The following HLA-DRB5 variants were observed in gnomAD, a reference collection of about 807,000 sequenced individuals.
HLA-DRB5 encodes DR beta-5.
In HLA-DRB5, 11 loss-of-function variants were observed where a neutral mutation model predicts 22.4. That is an observed-to-expected ratio of 0.49 (90% CI 0.31 to 0.81). The LOEUF (loss-of-function observed/expected upper bound fraction) is 0.81. Among genes scored for constraint, HLA-DRB5 ranks in the 40% least tolerant of loss-of-function variants. The pLI is 0.05. For synonymous variants in HLA-DRB5, 57 were observed against 106.0 expected (o/e 0.54, Z 2.84); for missense variants, 106 against 274.4 (o/e 0.39, Z 4.34).
intron 2 of HLA-DRB5, among the ~76,000 whole-genome samples, chr6:32,521,218 C>T (rs1768821291): frequency 2.0e-5 from 1 of 50,970 alleles, no homozygotes; most frequent in Admixed American, 2.6e-4. Context: ...AAAATAGTAA[C>T]AGTGTATTAA....
At chr6:32,525,280 C>A (rs1769465170) in intron 1 of HLA-DRB5, among the ~76,000 whole-genome samples, 1 of 36,418 alleles carries the variant, frequency 2.7e-5, no homozygotes, top group African/African-American at 1.0e-4. Flanking sequence ...CTATCAAATG[C>A]ATTTTATAAT....
intron 3 of HLA-DRB5, among the ~76,000 whole-genome samples, chr6:32,518,989 C>T (rs115834837): frequency 3.8e-3 from 388 of 100,916 alleles, no homozygotes; most frequent in East Asian, 6.0e-3. Flanking sequence ...TATTGGACTC[C>T]CCTCATGTCA....
chr6:32,529,363 T>C lies in HLA-DRB5; in HGVS notation c.100+762A>G, dbSNP rs1439549725. ...GTCTAGTTAGAGCATGTAGGAGATA[T>C]AGGAGCAAATAGTATAGAAAGGTTA... On this transcript the variant is annotated intron_variant, in intron 1 of 5. Transcript: ENST00000374975. Among the ~76,000 whole-genome samples the C allele has an allele frequency of 5.5e-3, 146 of 26,380 alleles. 6 individuals are homozygous for C. In the East Asian group the frequency reaches 0.08, roughly 14 times the overall value. The allele number at this position is 26,380 out of a possible 152,430, so 17.3% of individuals were successfully genotyped here. A position where few individuals can be genotyped will look rare whatever the true frequency, so the allele number is the denominator to read the frequency against.
rs190630250 is a variant in HLA-DRB5, at chr6:32,525,142, C to T, written c.101-2968G>A. Among the ~76,000 whole-genome samples the T allele has an allele frequency of 6.6e-3, 466 of 70,946 alleles. 3 individuals carry two copies. The highest frequency in any genetic ancestry group is 0.03 in the Middle Eastern group (4 of 134). The allele number at this position is 70,946 out of a possible 152,430, so 46.5% of individuals were successfully genotyped here. A position where few individuals can be genotyped will look rare whatever the true frequency, so the allele number is the denominator to read the frequency against. Reference sequence around the variant, plus strand: ...AATATTAGAAATTTTGTCAATAATTCAGACACAATCAAGTCACTACTCACT... The same window carrying T: ...AATATTAGAAATTTTGTCAATAATTTAGACACAATCAAGTCACTACTCACT... On this transcript the variant is annotated intron_variant, in intron 1 of 5. Transcript: ENST00000374975.
Position 32,522,002 on chromosome 6 carries a change from GT to G in HLA-DRB5, c.272del (p.Asn91ThrfsTer38). On this transcript the variant is annotated frameshift_variant, in exon 2 of 6. Transcript: ENST00000374975. LOFTEE classifies it high-confidence loss of function. The part of the protein sequence containing the change: ...ELGRPDAEYW[N>X]SQKDFLEDRR... ...TGTCTTCCAGGAAGTCCTTCTGGCT[GT>G]TCCAGTACTCAGCGTCAGGCCGCCC... is the stretch of plus-strand genomic sequence containing the variant. 1 of 1,524,086 alleles carries G rather than the reference GT, an allele frequency of 6.6e-7. No individual in the cohort carries two copies. Among genetic ancestry groups the G allele is most frequent in the Non-Finnish European group, 9.0e-7 (1 of 1,112,518 alleles). The allele number at this position is 1,524,086 out of a possible 1,614,324, so 94.4% of individuals were successfully genotyped here. A position where few individuals can be genotyped will look rare whatever the true frequency, so the allele number is the denominator to read the frequency against.
chr6:32,523,355 T>A (rs115659386), intron 1 of HLA-DRB5, among the ~76,000 whole-genome samples: 6 of 35,964 alleles, frequency 1.7e-4, no homozygotes, highest in East Asian at 7.1e-4. Flanking sequence ...TATATGTGTG[T>A]AAATATACAC....
intron 1 of HLA-DRB5, among the ~76,000 whole-genome samples, chr6:32,526,130 C>G (rs191546079): frequency 0.018 from 1,770 of 97,134 alleles, 33 homozygotes; most frequent in Non-Finnish European, 0.021. Context: ...ACCTTGTCCT[C>G]TCTTCTACTC....
chr6:32,526,085 TC>T (rs1301124129), intron 1 of HLA-DRB5, among the ~76,000 whole-genome samples: 83 of 100,180 alleles, frequency 8.3e-4, no homozygotes, highest in Non-Finnish European at 1.2e-3. Flanking sequence ...GCACAGTCCT[TC>T]CCTGAAGCTC....
intron 2 of HLA-DRB5, among the ~76,000 whole-genome samples, chr6:32,521,020 A>C (rs183495465): frequency 3.3e-4 from 12 of 36,728 alleles, no homozygotes; most frequent in Non-Finnish European, 5.5e-4. Context: ...GGCAATAAAT[A>C]GGTCAAGATA....
rs41554620 is a variant in HLA-DRB5 at position 32,521,954 on chromosome 6, G to A, written c.321C>T (p.Tyr107=). The A allele has an allele frequency of 0.01, 14,566 of 1,388,952 alleles. 456 individuals are homozygous for A. The highest frequency in any genetic ancestry group is 0.067 in the East Asian group (2,537 of 38,100). The allele number at this position is 1,388,952 out of a possible 1,614,324, so 86.0% of individuals were successfully genotyped here. Residue 107 remains tyrosine, a synonymous_variant, in exon 2 of 6, where the codon TAC becomes TAT. Coordinates refer to ENST00000374975, the MANE Select transcript of HLA-DRB5 (RefSeq NM_002125.4). ...LEDRRAAVDT[Y]CRHNYGVGES... is the part of the protein sequence containing the mutation. ...CACCAACCCCGTAGTTGTGTCTGCA[G>A]TAGGTGTCCACCGCGGCGCGCCTGT...
Position 32,518,943 on chromosome 6 carries a change from G to A in HLA-DRB5, c.653-277C>T, listed in dbSNP as rs183330255. 2.5e-3 allele frequency among the ~76,000 whole-genome samples: 201 copies of A among 79,536 alleles called. 1 individual carries two copies. Among genetic ancestry groups the A allele is most frequent in the Middle Eastern group, 6.0e-3 (1 of 168 alleles). The allele number at this position is 79,536 out of a possible 152,430, so 52.2% of individuals were successfully genotyped here. On this transcript the variant is annotated intron_variant, in intron 3 of 5. Transcript: ENST00000374975. ...GAGACTCAATGAGGTTAAATAGTTT[G>A]TCTAGAGTGACAGAGCTAATAAAAG...
rs74198961 is a variant in HLA-DRB5, at chr6:32,519,500, T to G, written c.522A>C (p.Thr174=). 1 of 1,413,756 alleles carries G rather than the reference T, an allele frequency of 7.1e-7. No homozygotes were observed. Among genetic ancestry groups the G allele is most frequent in the Non-Finnish European group, 9.5e-7 (1 of 1,049,078 alleles). The allele number at this position is 1,413,756 out of a possible 1,614,324, so 87.6% of individuals were successfully genotyped here. ...SQEEKAGVVS[T]GLIQNGDWTF... ...TCCAGTCTCCATTCTGAATCAGGCC[T>G]GTGGACACCACCCCAGCCTTCTCTT... The change falls in exon 3 of 6, where the codon ACA becomes ACC. Residue 174 remains threonine (T), a synonymous_variant. Coordinates refer to ENST00000374975, the MANE Select transcript of HLA-DRB5 (RefSeq NM_002125.4).
Position 32,521,909 on chromosome 6 carries a change from C to T in HLA-DRB5, c.366G>A (p.Arg122=). 2.6e-6 allele frequency: 4 copies of T among 1,521,092 alleles called. No individual in the cohort carries two copies. The highest frequency in any genetic ancestry group is 3.6e-6 in the Non-Finnish European group (4 of 1,111,994). The allele number at this position is 1,521,092 out of a possible 1,614,324, so 94.2% of individuals were successfully genotyped here. A position where few individuals can be genotyped will look rare whatever the true frequency, so the allele number is the denominator to read the frequency against. The change falls in exon 2 of 6, where the codon CGG becomes CGA. Residue 122 remains arginine (R), a synonymous_variant. Coordinates refer to ENST00000374975, the MANE Select transcript of HLA-DRB5 (RefSeq NM_002125.4). ...CCCGCCCCCCACCATGCTCACCTCG[C>T]CGCTGCACTGTGAAGCTCTCACCAA... ...YGVGESFTVQ[R]RVEPKVTVYP... is the part of the protein sequence containing the mutation.
intron 1 of HLA-DRB5, among the ~76,000 whole-genome samples, chr6:32,526,708 A>G: frequency 2.7e-5 from 1 of 37,186 alleles, no homozygotes; most frequent in Non-Finnish European, 5.4e-5. Context: ...TTTAGTAGAG[A>G]CGGGGTTTCA....
At chr6:32,529,206 C>T (rs1269010548) in intron 1 of HLA-DRB5, among the ~76,000 whole-genome samples, 1 of 125,224 alleles carries the variant, frequency 8.0e-6, no homozygotes, top group Non-Finnish European at 1.8e-5. Context: ...ACAATGTCCA[C>T]ATTCTCTCTG....
intron 2 of HLA-DRB5, 135 bp from the exon 3 acceptor site, chr6:32,519,786 C>T (rs72508434): frequency 0.037 from 10,098 of 273,092 alleles, 175 homozygotes; most frequent in African/African-American, 0.054. Flanking sequence ...CATGAGGCCT[C>T]ACAGTGTCAT....
chr6:32,523,780 ACTGAATTGGGTGCTGAGTGTAT>A (rs1769250436), intron 1 of HLA-DRB5, among the ~76,000 whole-genome samples: 1 of 46,712 alleles, frequency 2.1e-5, no homozygotes. Context: ...ACCATAAAGA[ACTGAATTGGGTGCTGAGTGTAT>A]AAAAGATGTG....
At chr6:32,519,122 C>T (rs113992516) in intron 3 of HLA-DRB5, among the ~76,000 whole-genome samples, 25,887 of 105,904 alleles carry the variant, frequency 0.24, 3,203 homozygotes, top group Admixed American at 0.3. Flanking sequence ...GTGACCCTGA[C>T]CTGTGACATC....
At chr6:32,525,801 A>C (rs200621573) in intron 1 of HLA-DRB5, among the ~76,000 whole-genome samples, 11,229 of 95,710 alleles carry the variant, frequency 0.12, no homozygotes, top group Admixed American at 0.15. Context: ...AAAATGTTAC[A>C]TGGCATATAC....
Sources: gnomAD v4.1 joint callset for allele counts (sites outside exome capture counted in the v4.1 genomes callset) on GRCh38, gnomAD v4.1.1 for gene constraint, MANE v1.5 for transcripts, NCBI Gene and HGNC (gene_info 2026-07-23, HGNC 2026-07-21) for gene names.